EZH2: variants seen among roughly 807,000 people sequenced by gnomAD.
EZH2 encodes the protein enhancer of zeste 2 polycomb repressive complex 2 subunit, also known as histone-lysine N-methyltransferase EZH2.
A neutral mutation model predicts 98.4 loss-of-function variants in EZH2; 18 were observed. The observed-to-expected ratio is 0.18, with a 90% CI of 0.13 to 0.27. EZH2 has a LOEUF of 0.27. Ranked by LOEUF, EZH2 falls within the 10% of genes least tolerant of loss-of-function variation. The pLI, the probability that EZH2 is intolerant of heterozygous loss-of-function variation, is 1.00. For synonymous variants in EZH2, 338 were observed against 312.3 expected, an observed-to-expected ratio of 1.08 and a Z score of -0.87; for missense variants, 470 against 935.1, an observed-to-expected ratio of 0.50 and a Z score of 6.49.
chr7:148,875,528 G>A (rs1254623721), intron 1 of EZH2, among the ~76,000 whole-genome samples: 7 of 152,150 alleles, frequency 4.6e-5, no homozygotes. Flanking sequence ...TTGATCATCT[G>A]AGAAACACAA....
intron 11 of EZH2, 60 bp from the exon 12 acceptor site, chr7:148,816,838 A>G: frequency 8.7e-7 from 1 of 1,147,528 alleles, no homozygotes; most frequent in Non-Finnish European, 1.3e-6. Context: ...AACCATTCTT[A>G]TACTCATGCA....
intron 10 of EZH2, 188 bp from the exon 11 acceptor site, chr7:148,817,579 A>ATT (rs1463055493): frequency 4.5e-5 from 30 of 672,830 alleles, no homozygotes; most frequent in Non-Finnish European, 9.8e-6. Flanking sequence ...ATATTAAACC[A>ATT]AATGATCCAA....
intron 1 of EZH2, among the ~76,000 whole-genome samples, chr7:148,871,178 AG>A (rs1819311002): frequency 6.6e-6 from 1 of 152,176 alleles, no homozygotes; most frequent in Non-Finnish European, 1.5e-5. Context: ...CACTACCAAA[AG>A]AAACAGAAAA....
chr7:148,835,423 C>CAA (rs545080861), intron 3 of EZH2, among the ~76,000 whole-genome samples: 19 of 71,444 alleles, frequency 2.7e-4, no homozygotes, highest in East Asian at 1.2e-3. Flanking sequence ...GACCCCGCCT[C>CAA]AAAAAAAAAA....
At chr7:148,849,389 T>C (rs1815082353) in intron 1 of EZH2, among the ~76,000 whole-genome samples, 1 of 152,176 alleles carries the variant, frequency 6.6e-6, no homozygotes, top group Admixed American at 6.5e-5. Context: ...CTGGCAGACA[T>C]TTAATAAGAA....
At chr7:148,824,314 CA>C (rs35218853) in intron 8 of EZH2, among the ~76,000 whole-genome samples, 95,851 of 132,192 alleles carry the variant, frequency 0.73, 33,445 homozygotes, top group African/African-American at 0.84. Context: ...GACTTCGTCT[CA>C]AAAAAAAAAA....
chr7:148,815,061 C>T (rs2129470159), intron 13 of EZH2, 22 bp from the exon 14 acceptor site: 2 of 1,609,842 alleles, frequency 1.2e-6, no homozygotes, highest in Non-Finnish European at 1.7e-6. Flanking sequence ...TAACATCATG[C>T]AGGCCAATGA....
intron 1 of EZH2, among the ~76,000 whole-genome samples, chr7:148,863,405 CAT>C (rs1359554465): frequency 2.6e-5 from 4 of 152,148 alleles, no homozygotes; most frequent in African/African-American, 9.7e-5. Flanking sequence ...AATAATCTGT[CAT>C]ATGTCAGTGC....
At chr7:148,822,880 C>T (rs1050985568) in intron 8 of EZH2, among the ~76,000 whole-genome samples, 2 of 150,842 alleles carry the variant, frequency 1.3e-5, no homozygotes, top group Non-Finnish European at 3.0e-5. Flanking sequence ...AGGCAGAGGT[C>T]GCCGTGAGCC....
At chr7:148,878,095 T>G (rs549334086) in intron 1 of EZH2, among the ~76,000 whole-genome samples, 38 of 152,280 alleles carry the variant, frequency 2.5e-4, no homozygotes, top group South Asian at 8.3e-4. Flanking sequence ...TAGAGAGAGA[T>G]ATATATAGAT....
chr7:148,826,684 T>G, intron 7 of EZH2, 52 bp from the exon 8 acceptor site: 1 of 1,382,068 alleles, frequency 7.2e-7, no homozygotes, highest in Non-Finnish European at 9.5e-7. Flanking sequence ...AATCACTTTT[T>G]TGAAAACAGT....
At chr7:148,863,748 T>C (rs964764886) in intron 1 of EZH2, among the ~76,000 whole-genome samples, 1 of 152,216 alleles carries the variant, frequency 6.6e-6, no homozygotes, top group Non-Finnish European at 1.5e-5. Flanking sequence ...TCAACTGACC[T>C]GCAAAGTGCT....
chr7:148,839,074 A>AAGGAAGGG (rs1811684872), intron 3 of EZH2, among the ~76,000 whole-genome samples: 1 of 138,886 alleles, frequency 7.2e-6, no homozygotes, highest in Admixed American at 7.1e-5. Flanking sequence ...GGAAGGAAGG[A>AAGGAAGGG]AGGAAGGAAG....
At chr7:148,809,920 T>TCTC (rs1239921309) in intron 17 of EZH2, among the ~76,000 whole-genome samples, 2 of 152,208 alleles carry the variant, frequency 1.3e-5, no homozygotes. Flanking sequence ...CTGCCTTTCC[T>TCTC]CTCAGTCCTT....
intron 1 of EZH2, among the ~76,000 whole-genome samples, chr7:148,849,036 TA>T (rs1435256835): frequency 6.6e-6 from 1 of 152,200 alleles, no homozygotes; most frequent in African/African-American, 2.4e-5. Context: ...AAATAGTTGT[TA>T]TACTGTATTG....
chr7:148,862,324 C>T (rs1817793189), intron 1 of EZH2, among the ~76,000 whole-genome samples: 1 of 152,142 alleles, frequency 6.6e-6, no homozygotes, highest in African/African-American at 2.4e-5. Context: ...CGCAGATTTT[C>T]CAGAAGTTGG....
At position 148,829,848 on chromosome 7, in the gene EZH2, C is replaced by A. The variant is rs1299959949; in HGVS notation, c.364G>T (p.Val122Leu). 1.3e-6 allele frequency: 2 copies of A among 1,552,138 alleles called. No individual in the cohort carries two copies. Among genetic ancestry groups the A allele is most frequent in the Admixed American group, 2.0e-5 (1 of 50,294 alleles). Residue 122 changes from valine to leucine, a missense_variant and splice_region_variant, in exon 5 of 20, where the codon GTG becomes TTG. Val to Leu is a conservative substitution (Grantham distance 32). Transcript: ENST00000320356. ...TTATGTAAAACAGTTTCATCTTCCA[C>A]CTAAAAGAAAAAAATATATTTAAAA... is the stretch of plus-strand genomic sequence containing the variant. Reference protein sequence around the residue: ...SWSPLQQNFMVEDETVLHNIP... With the variant: ...SWSPLQQNFMLEDETVLHNIP...
chr7:148,810,440 T>C, intron 16 of EZH2, 26 bp from the exon 17 acceptor site: 1 of 1,535,302 alleles, frequency 6.5e-7, no homozygotes, highest in Non-Finnish European at 9.0e-7. Context: ...CAGGAGAAAA[T>C]TCTTTTGGAT....
At chr7:148,818,466 T>C (rs964382754) in intron 9 of EZH2, among the ~76,000 whole-genome samples, 1 of 152,226 alleles carries the variant, frequency 6.6e-6, no homozygotes, top group Admixed American at 6.5e-5. Context: ...ATTATCTCTA[T>C]GGACATACAG....
Sources: gnomAD v4.1 joint callset for allele counts (sites outside exome capture counted in the v4.1 genomes callset) on GRCh38, gnomAD v4.1.1 for gene constraint, MANE v1.5 for transcripts, NCBI Gene and HGNC (gene_info 2026-07-23, HGNC 2026-07-21) for gene names.